The following TEAD4 variants were observed in gnomAD, a reference collection of about 807,000 sequenced individuals.
The protein encoded by TEAD4 is transcriptional enhancer factor TEF-3.
Under a neutral mutation model 52.4 loss-of-function variants are expected in TEAD4, and 36 were observed. The observed-to-expected ratio is 0.69, with a 90% confidence interval of 0.53 to 0.91. TEAD4 has a LOEUF of 0.91. Ranked by LOEUF, TEAD4 falls within the 40% of genes least tolerant of loss-of-function variation. TEAD4 has a pLI of 0.00. For synonymous variants in TEAD4, 220 were observed against 231.0 expected (o/e 0.95, Z 0.43); for missense variants, 508 against 583.9 (o/e 0.87, Z 1.34).
intron 5 of TEAD4, 89 bp from the exon 6 acceptor site, chr12:3,017,309 A>G: frequency 6.4e-7 from 1 of 1,568,612 alleles, no homozygotes; most frequent in Non-Finnish European, 8.7e-7. Context: ...TGGCAGCGAG[A>G]CAGCTTCCCT....
At chr12:3,015,323 A>G (rs928633573) in intron 5 of TEAD4, among the ~76,000 whole-genome samples, 1 of 152,000 alleles carries the variant, frequency 6.6e-6, no homozygotes, top group Non-Finnish European at 1.5e-5. Context: ...TAGTCACCCA[A>G]ATTCTCAGAG....
chr12:2,988,072 A>G (rs2098240090), intron 2 of TEAD4, among the ~76,000 whole-genome samples: 4 of 151,736 alleles, frequency 2.6e-5, no homozygotes, highest in African/African-American at 4.8e-5. Context: ...CATCTCAAAA[A>G]AACAAAAACA....
intron 2 of TEAD4, among the ~76,000 whole-genome samples, chr12:2,989,777 A>G (rs1207716942): frequency 6.6e-6 from 1 of 152,168 alleles, no homozygotes; most frequent in East Asian, 1.9e-4. Context: ...TCCTTTCTAG[A>G]TAATCTGCCC....
In TEAD4 at chr12:3,017,523, AG is replaced by A; in HGVS notation, c.483+1del. 1 of 1,612,736 alleles carries A rather than the reference AG, an allele frequency of 6.2e-7. No individual in the cohort carries two copies. Among genetic ancestry groups the A allele is most frequent in the Non-Finnish European group, 8.5e-7 (1 of 1,179,568 alleles). The stretch of plus-strand genomic sequence containing the variant: ...GGGGCCCCGGCCGCCCAGCAGTCTC[AG>A]GGGTAAGTGGGCTGCCGAGAGCTGG... On this transcript the variant is annotated frameshift_variant and splice_region_variant, in exon 6 of 13. Coordinates refer to ENST00000359864, the MANE Select transcript of TEAD4 (RefSeq NM_003213.4). LOFTEE classifies it high-confidence loss of function.
intron 2 of TEAD4, among the ~76,000 whole-genome samples, chr12:2,970,580 A>ATC (rs2098224222): frequency 6.6e-6 from 1 of 152,204 alleles, no homozygotes; most frequent in Non-Finnish European, 1.5e-5. Context: ...GAAAAACCCA[A>ATC]TCGTAGAGTG....
At chr12:3,027,078 C>T (rs578032635) in intron 10 of TEAD4, among the ~76,000 whole-genome samples, 5 of 151,446 alleles carry the variant, frequency 3.3e-5, no homozygotes, top group South Asian at 2.1e-4. Context: ...CTGCAACCTC[C>T]GCCTCCCTAT....
chr12:2,969,811 C>T (rs1354833139), intron 2 of TEAD4, among the ~76,000 whole-genome samples: 1 of 152,164 alleles, frequency 6.6e-6, no homozygotes, highest in Non-Finnish European at 1.5e-5. Flanking sequence ...TGGGTCTTGC[C>T]CTGAGGCTGG....
chr12:2,996,167 A>T (rs2153955508), intron 3 of TEAD4, among the ~76,000 whole-genome samples: 1 of 152,248 alleles, frequency 6.6e-6, no homozygotes, highest in South Asian at 2.1e-4. Context: ...AAATGGCTGA[A>T]GTCAGTGACA....
At chr12:3,022,074 C>T (rs763955622) in intron 10 of TEAD4, 57 bp downstream of exon 10, 26 of 1,589,026 alleles carry the variant, frequency 1.6e-5, no homozygotes, top group African/African-American at 4.0e-5. Context: ...GTAGTGAGAA[C>T]GGGGCGAGAG....
In TEAD4 at chr12:3,020,665, G is replaced by C; in HGVS notation, c.615G>C (p.Ser205=). Residue 205 remains serine (S), a synonymous_variant, in exon 9 of 13, where the codon TCG becomes TCC. Transcript: ENST00000359864. Reference sequence around the variant, plus strand: ...AGTCTCCTGCAGGGCCCGCCCCATCGCCCTCTGCGCCCCCGGCACCCCCAT... The same window carrying C: ...AGTCTCCTGCAGGGCCCGCCCCATCCCCCTCTGCGCCCCCGGCACCCCCAT... 1.3e-6 allele frequency: 2 copies of C among 1,599,962 alleles called. No individual in the cohort carries two copies. Among genetic ancestry groups the C allele is most frequent in the South Asian group, 1.1e-5 (1 of 88,842 alleles).
intron 10 of TEAD4, among the ~76,000 whole-genome samples, chr12:3,036,748 T>C (rs2098279660): frequency 6.6e-6 from 1 of 152,082 alleles, no homozygotes; most frequent in Non-Finnish European, 1.5e-5. Context: ...ATGGGGTGAT[T>C]TGATGTGGGG....
intron 10 of TEAD4, among the ~76,000 whole-genome samples, chr12:3,027,445 A>G (rs1054392856): frequency 6.6e-6 from 1 of 152,370 alleles, no homozygotes; most frequent in South Asian, 2.1e-4. Flanking sequence ...TACTTAAAAC[A>G]TACAGGCCAC....
rs979432740 is a variant in TEAD4, at chr12:2,959,807, GCGCTC to G, written c.-122-126_-122-122del. ...ATTCTGGGAAAACTCCTCCCTCCGC[GCGCTC>G]CGCTCCGCTCCGCTGGGCGCACCGG... On this transcript the variant is annotated intron_variant, in intron 1 of 12. Coordinates refer to ENST00000359864, the MANE Select transcript of TEAD4 (RefSeq NM_003213.4). The surrounding 1 kb of genome is among the most constrained non-coding windows in gnomAD (Gnocchi z 5.1). 3.0e-4 allele frequency: 46 copies of G among 151,390 alleles called. No homozygotes were observed. Among genetic ancestry groups the G allele is most frequent in the Non-Finnish European group, 4.9e-4 (33 of 67,800 alleles). 9.4% of individuals were successfully genotyped at this position (151,390 alleles called of 1,614,324 possible). A position where few individuals can be genotyped will look rare whatever the true frequency, so the allele number is the denominator to read the frequency against.
At chr12:3,021,364 G>T (rs886890266) in intron 9 of TEAD4, among the ~76,000 whole-genome samples, 1 of 148,622 alleles carries the variant, frequency 6.7e-6, no homozygotes, top group Non-Finnish European at 1.5e-5. Context: ...GGCTGGGAGT[G>T]CAGTGGCATG....
chr12:2,973,217 A>G (rs1312236486), intron 2 of TEAD4, among the ~76,000 whole-genome samples: 1 of 152,110 alleles, frequency 6.6e-6, no homozygotes, highest in Non-Finnish European at 1.5e-5. Flanking sequence ...GACCACAGGC[A>G]CACGCCACCA....
chr12:2,967,880 A>G (rs1317024386), intron 2 of TEAD4, among the ~76,000 whole-genome samples: 1 of 152,186 alleles, frequency 6.6e-6, no homozygotes, highest in Non-Finnish European at 1.5e-5. Flanking sequence ...CCATTAAACC[A>G]TAAGCCTGTG....
At position 2,979,195 on chromosome 12, in the gene TEAD4, C is replaced by T. The variant is rs561206761; in HGVS notation, c.-29-15543C>T. Reference sequence around the variant, plus strand: ...CCTCCCAAAGTGCTGGGATTACAGGCGTGAGCCACCGCGCCCGGTCTCATT... The same window carrying T: ...CCTCCCAAAGTGCTGGGATTACAGGTGTGAGCCACCGCGCCCGGTCTCATT... On this transcript the variant is annotated intron_variant, in intron 2 of 12. Coordinates refer to ENST00000359864, the MANE Select transcript of TEAD4 (RefSeq NM_003213.4). Among the ~76,000 whole-genome samples the T allele has an allele frequency of 5.1e-3, 771 of 152,284 alleles. 2 individuals are homozygous for T. Among genetic ancestry groups the T allele is most frequent in the Admixed American group, 8.7e-3 (133 of 15,296 alleles).
At chr12:2,996,705 C>T (rs2098247488) in intron 3 of TEAD4, among the ~76,000 whole-genome samples, 1 of 152,128 alleles carries the variant, frequency 6.6e-6, no homozygotes, top group African/African-American at 2.4e-5. Context: ...CCACCGCACC[C>T]AGCTTTTCTT....
chr12:3,006,212 T>C (rs1489960446), intron 3 of TEAD4, among the ~76,000 whole-genome samples: 1 of 152,178 alleles, frequency 6.6e-6, no homozygotes, highest in African/African-American at 2.4e-5. Flanking sequence ...CGAAACTTTT[T>C]GAGATGTGTG....
Sources: gnomAD v4.1 joint callset for allele counts (sites outside exome capture counted in the v4.1 genomes callset) on GRCh38, gnomAD v4.1.1 for gene constraint, Gnocchi (gnomAD v3.1) non-coding constraint, MANE v1.5 for transcripts, NCBI Gene and HGNC (gene_info 2026-07-23, HGNC 2026-07-21) for gene names.